Variants in CSGALNACT1 observed in about 807,000 individuals in gnomAD.
CSGALNACT1 encodes beta4GalNAcT-1.
CSGALNACT1 carries 52 observed loss-of-function variants against 51.0 expected under a neutral mutation model. The ratio of observed to expected loss-of-function variants is 1.02; its 90% CI spans 0.82 to 1.29. The LOEUF (loss-of-function observed/expected upper bound fraction) is 1.29. Ranked by LOEUF, CSGALNACT1 falls within the 50% of genes most tolerant of loss-of-function variation. CSGALNACT1 has a pLI of 0.00. For missense variants in CSGALNACT1, 935 were observed against 679.2 expected (o/e 1.38, Z -4.19); for synonymous variants, 341 against 254.4 (o/e 1.34, Z -3.24).
At chr8:19,702,980 C>T (rs1253530492) in intron 1 of CSGALNACT1, among the ~76,000 whole-genome samples, 2 of 152,074 alleles carry the variant, frequency 1.3e-5, no homozygotes, top group Non-Finnish European at 2.9e-5. Flanking sequence ...GGTTCACTTC[C>T]CTTTATATCT....
At chr8:19,570,223 T>C (rs898882758) in intron 3 of CSGALNACT1, among the ~76,000 whole-genome samples, 1 of 152,158 alleles carries the variant, frequency 6.6e-6, no homozygotes, top group Non-Finnish European at 1.5e-5. Context: ...TATACCTCAT[T>C]AGAAAGGTAA....
rs568638585 is a variant in CSGALNACT1 at position 19,464,712 on chromosome 8, C to A, written c.635-6070G>T. 8.8e-4 allele frequency among the ~76,000 whole-genome samples: 134 copies of A among 152,218 alleles called. 1 individual carries two copies. The highest frequency in any genetic ancestry group is 3.0e-3 in the African/African-American group (126 of 41,542). On this transcript the variant is annotated intron_variant, in intron 4 of 9. Transcript: ENST00000454498. ...ATGTAAAGGATGTAGGGCGTATGCT[C>A]CTTATGAGAATTGAAATAATGCCTG...
intron 3 of CSGALNACT1, among the ~76,000 whole-genome samples, chr8:19,566,762 C>T (rs1270354121): frequency 6.6e-6 from 1 of 152,146 alleles, no homozygotes; most frequent in Non-Finnish European, 1.5e-5. Context: ...ATTCTCAACT[C>T]CTTCAGGGTT....
At chr8:19,631,640 C>T (rs2055274862) in intron 1 of CSGALNACT1, among the ~76,000 whole-genome samples, 1 of 152,176 alleles carries the variant, frequency 6.6e-6, no homozygotes. Context: ...ATTGAAAAAG[C>T]CAAGTCAAAA....
intron 1 of CSGALNACT1, among the ~76,000 whole-genome samples, chr8:19,658,046 C>G (rs2058436040): frequency 7.1e-6 from 1 of 140,882 alleles, no homozygotes. Flanking sequence ...ATATGTGTGC[C>G]CTCTCACCCT....
In CSGALNACT1 at chr8:19,558,697, A is replaced by G. The variant is rs551438506; in HGVS notation, c.-297+32463T>C. Among the ~76,000 whole-genome samples the G allele has an allele frequency of 2.0e-5, 3 of 152,306 alleles. No homozygotes were observed. In the East Asian group the frequency reaches 5.8e-4, roughly 29 times the overall value. ...CAACTACTGACTCAACGCTTAAACT[A>G]TTAGTGTCATGGGTTATCCAAGAGA... is the stretch of plus-strand genomic sequence containing the variant. On this transcript the variant is annotated intron_variant, in intron 3 of 9. Transcript: ENST00000454498.
intron 1 of CSGALNACT1, among the ~76,000 whole-genome samples, chr8:19,749,003 A>G (rs2064863780): frequency 6.6e-6 from 1 of 151,288 alleles, no homozygotes; most frequent in South Asian, 2.1e-4. Context: ...CCAAGTTCAC[A>G]GAGTTAAAAA....
At chr8:19,489,372 T>G (rs1388754692) in intron 4 of CSGALNACT1, among the ~76,000 whole-genome samples, 1 of 152,146 alleles carries the variant, frequency 6.6e-6, no homozygotes, top group Non-Finnish European at 1.5e-5. Flanking sequence ...GCTTAGTCTC[T>G]CTCTCAAAGG....
chr8:19,440,354 A>G (rs1213962363), intron 5 of CSGALNACT1, among the ~76,000 whole-genome samples: 1 of 152,260 alleles, frequency 6.6e-6, no homozygotes, highest in Non-Finnish European at 1.5e-5. Context: ...CAGCACATCA[A>G]AAAGCTTATC....
chr8:19,480,679 T>C (rs1440253801), intron 4 of CSGALNACT1, among the ~76,000 whole-genome samples: 6 of 152,214 alleles, frequency 3.9e-5, no homozygotes, highest in African/African-American at 1.4e-4. Flanking sequence ...TGGGAATTTC[T>C]AGTTCCCTGA....
At position 19,666,825 on chromosome 8, in the gene CSGALNACT1, GAGAGAGAGAAAGAA is replaced by G. The variant is rs1180872638; in HGVS notation, c.-544+15634_-544+15647del. 6.8e-3 allele frequency among the ~76,000 whole-genome samples: 329 copies of G among 48,260 alleles called. 8 individuals are homozygous for G. Among genetic ancestry groups the G allele is most frequent in the Non-Finnish European group, 9.4e-3 (233 of 24,914 alleles). The allele number at this position is 48,260 out of a possible 152,430, so 31.7% of individuals were successfully genotyped here. On this transcript the variant is annotated intron_variant, in intron 1 of 9. Coordinates refer to the CSGALNACT1 transcript ENST00000332246. ...AAAGAAAGAAAGAGAGAGAGAGAGA[GAGAGAGAGAAAGAA>G]AGAAAGAAAGAAAGAAAGAAAGAAA...
intron 3 of CSGALNACT1, among the ~76,000 whole-genome samples, chr8:19,536,460 C>A (rs10095053): frequency 6.6e-6 from 1 of 151,914 alleles, no homozygotes; most frequent in African/African-American, 2.4e-5. Flanking sequence ...ATAAATCTAA[C>A]AAGATATGTA....
At chr8:19,431,938 C>A (rs1157189106) in intron 6 of CSGALNACT1, among the ~76,000 whole-genome samples, 1 of 151,936 alleles carries the variant, frequency 6.6e-6, no homozygotes, top group South Asian at 2.1e-4. Context: ...GCACTGTGTG[C>A]CCATCAACAC....
intron 1 of CSGALNACT1, among the ~76,000 whole-genome samples, chr8:19,703,456 A>G (rs995884742): frequency 6.6e-6 from 1 of 152,136 alleles, no homozygotes; most frequent in South Asian, 2.1e-4. Context: ...GGCACCTGCC[A>G]CCAAGCCCGG....
At position 19,478,765 on chromosome 8, in the gene CSGALNACT1, T is replaced by C. The variant is rs550154034; in HGVS notation, c.635-20123A>G. Among the ~76,000 whole-genome samples the C allele has an allele frequency of 2.0e-4, 31 of 152,340 alleles. No homozygotes were observed. The South Asian group carries it at 6.0e-3, about 30-fold the overall frequency. On this transcript the variant is annotated intron_variant, in intron 4 of 9. Coordinates refer to ENST00000454498, the Ensembl canonical transcript of CSGALNACT1. ...TATAAATTGCTTCAGTAAAAAAGCATTAATGTTGCCAAAGCCTAATGTGAC... is the reference window on the plus strand; with the variant it reads ...TATAAATTGCTTCAGTAAAAAAGCACTAATGTTGCCAAAGCCTAATGTGAC...
At chr8:19,487,111 C>T (rs1023313628) in intron 4 of CSGALNACT1, among the ~76,000 whole-genome samples, 4 of 152,204 alleles carry the variant, frequency 2.6e-5, no homozygotes, top group African/African-American at 9.6e-5. Flanking sequence ...AGAATTGCCT[C>T]AATTTTTTCT....
At chr8:19,472,579 C>G (rs547166930) in intron 4 of CSGALNACT1, among the ~76,000 whole-genome samples, 2 of 152,322 alleles carry the variant, frequency 1.3e-5, no homozygotes, top group Admixed American at 1.3e-4. Context: ...ATGCTATGCT[C>G]CCAGACCAAA....
chr8:19,427,127 T>G (rs2058890964), intron 6 of CSGALNACT1, among the ~76,000 whole-genome samples: 1 of 152,204 alleles, frequency 6.6e-6, no homozygotes, highest in African/African-American at 2.4e-5. Flanking sequence ...TTGCCTAGAT[T>G]CTGAGCTTCT....
chr8:19,513,434 C>CTATATATA (rs1353825526), intron 3 of CSGALNACT1, among the ~76,000 whole-genome samples: 100 of 66,546 alleles, frequency 1.5e-3, no homozygotes, highest in Non-Finnish European at 2.7e-3. Context: ...CTCTCTCTCT[C>CTATATATA]TCTATATATA....
Sources: allele counts gnomAD v4.1 joint callset (sites outside exome capture counted in the v4.1 genomes callset), GRCh38; gene constraint gnomAD v4.1.1; transcripts MANE v1.5; gene names NCBI Gene and HGNC (gene_info 2026-07-23, HGNC 2026-07-21).